The following SLC49A4 variants were observed in gnomAD, a reference collection of about 807,000 sequenced individuals.
SLC49A4 encodes the protein solute carrier family 49 member 4, also known as disrupted in renal cancer protein 2.
SLC49A4 carries 36 observed loss-of-function variants against 50.6 expected under a neutral mutation model. The observed-to-expected ratio is 0.71, with a 90% CI of 0.55 to 0.94. SLC49A4 has a LOEUF of 0.94. Ranked by LOEUF, SLC49A4 falls within the 40% of genes least tolerant of loss-of-function variation. The pLI, the probability that SLC49A4 is intolerant of heterozygous loss-of-function variation, is 0.00. For missense variants in SLC49A4, 503 were observed against 605.7 expected (o/e 0.83, Z 1.78); for synonymous variants, 248 against 241.2 (o/e 1.03, Z -0.26).
chr3:122,806,155 G>GT (rs971214184), intron 1 of SLC49A4, among the ~76,000 whole-genome samples: 4 of 151,122 alleles, frequency 2.6e-5, no homozygotes, highest in Non-Finnish European at 5.9e-5. Context: ...ACAGTTAAGA[G>GT]TTTTTTTTTA....
chr3:122,854,096 A>T (rs992800728), intron 5 of SLC49A4, among the ~76,000 whole-genome samples: 1 of 152,158 alleles, frequency 6.6e-6, no homozygotes, highest in African/African-American at 2.4e-5. Flanking sequence ...GGATAGAAGG[A>T]AGTGTTTGTG....
In SLC49A4 at chr3:122,795,437, C is replaced by A; in HGVS notation, c.245C>A (p.Ala82Asp). The A allele has an allele frequency of 6.2e-7, 1 of 1,607,948 alleles. No homozygotes were observed. Among genetic ancestry groups the A allele is most frequent in the South Asian group, 1.1e-5 (1 of 90,708 alleles). ...WGPIQNSARQAYGFSSWDIAL... is the reference protein window; with the variant it reads ...WGPIQNSARQDYGFSSWDIAL... ...CCCATCCAGAACTCGGCGCGCCAGG[C>A]CTACGGCTTCTCCAGCTGGGACATC... Residue 82 changes from alanine to aspartate, a missense_variant, in exon 1 of 9, where the codon GCC becomes GAC. Transcript: ENST00000261038.
chr3:122,807,063 T>G (rs1040524848), intron 2 of SLC49A4, 113 bp downstream of exon 2: 1 of 573,180 alleles, frequency 1.7e-6, no homozygotes, highest in Admixed American at 3.6e-5. Flanking sequence ...TTTTACTCTA[T>G]ATGATGATTA....
chr3:122,843,361 C>T (rs1936801820), intron 4 of SLC49A4, among the ~76,000 whole-genome samples: 2 of 151,904 alleles, frequency 1.3e-5, no homozygotes, highest in Non-Finnish European at 2.9e-5. Context: ...CCACTTCCCA[C>T]CTTCCTGCAT....
chr3:122,872,632 G>A (rs1416271154), intron 8 of SLC49A4, 35 bp downstream of exon 8: 1 of 1,482,190 alleles, frequency 6.7e-7, no homozygotes, highest in Non-Finnish European at 9.1e-7. Flanking sequence ...CTATCTAAAT[G>A]TGTTACAAGA....
At chr3:122,859,468 A>C (rs1431217339) in intron 6 of SLC49A4, among the ~76,000 whole-genome samples, 1 of 152,218 alleles carries the variant, frequency 6.6e-6, no homozygotes, top group East Asian at 1.9e-4. Context: ...AGTTAGCCTG[A>C]TTTTCAAAAC....
At chr3:122,821,202 T>C (rs1360864323) in intron 2 of SLC49A4, among the ~76,000 whole-genome samples, 1 of 152,186 alleles carries the variant, frequency 6.6e-6, no homozygotes, top group Non-Finnish European at 1.5e-5. Flanking sequence ...TCTTTTTCTT[T>C]ATAAATTACT....
At chr3:122,814,132 A>G (rs1358310764) in intron 2 of SLC49A4, among the ~76,000 whole-genome samples, 1 of 152,140 alleles carries the variant, frequency 6.6e-6, no homozygotes, top group African/African-American at 2.4e-5. Context: ...TTATCCAGGC[A>G]TGGTGCATTC....
chr3:122,853,691 C>T (rs771321210), intron 5 of SLC49A4, among the ~76,000 whole-genome samples: 32 of 152,102 alleles, frequency 2.1e-4, no homozygotes, highest in Non-Finnish European at 3.7e-4. Context: ...GCCCAGGAGG[C>T]GGAGGCTGCA....
intron 2 of SLC49A4, among the ~76,000 whole-genome samples, chr3:122,818,580 C>T (rs1936408662): frequency 6.6e-6 from 1 of 152,126 alleles, no homozygotes; most frequent in South Asian, 2.1e-4. Flanking sequence ...AGACATCTTT[C>T]AGACCAGGAC....
At chr3:122,818,191 A>G (rs1213245496) in intron 2 of SLC49A4, among the ~76,000 whole-genome samples, 1 of 152,236 alleles carries the variant, frequency 6.6e-6, no homozygotes, top group Non-Finnish European at 1.5e-5. Flanking sequence ...TCTGTATAAT[A>G]TAATATCACA....
At chr3:122,824,577 CTCTT>C (rs769052746) in intron 2 of SLC49A4, among the ~76,000 whole-genome samples, 21 of 151,846 alleles carry the variant, frequency 1.4e-4, no homozygotes, top group Non-Finnish European at 2.4e-4. Context: ...TTCTTTCTTT[CTCTT>C]TCTTTCTTTC....
intron 7 of SLC49A4, among the ~76,000 whole-genome samples, chr3:122,861,534 G>C (rs945300072): frequency 1.0e-3 from 157 of 152,302 alleles, no homozygotes; most frequent in African/African-American, 3.6e-3. Flanking sequence ...ATAAGAGTCT[G>C]AAAGTGACTC....
intron 7 of SLC49A4, among the ~76,000 whole-genome samples, chr3:122,869,474 C>A (rs534628132): frequency 6.6e-6 from 1 of 152,062 alleles, no homozygotes; most frequent in African/African-American, 2.4e-5. Flanking sequence ...ACCAACACCG[C>A]CCCCATTGGG....
At chr3:122,860,685 A>G (rs973155757) in intron 7 of SLC49A4, among the ~76,000 whole-genome samples, 4 of 152,238 alleles carry the variant, frequency 2.6e-5, no homozygotes, top group African/African-American at 7.2e-5. Context: ...TATTACAGCC[A>G]GCTTACTTAG....
At chr3:122,875,293 A>G (rs1371970267) in intron 8 of SLC49A4, among the ~76,000 whole-genome samples, 2 of 152,170 alleles carry the variant, frequency 1.3e-5, no homozygotes, top group African/African-American at 4.8e-5. Context: ...TTGAAAACTC[A>G]CCCAGAAGTT....
intron 8 of SLC49A4, among the ~76,000 whole-genome samples, chr3:122,874,206 C>G (rs1159061293): frequency 1.3e-5 from 2 of 152,168 alleles, no homozygotes; most frequent in Non-Finnish European, 1.5e-5. Flanking sequence ...CAGCAGAGCT[C>G]CGTACACACC....
intron 7 of SLC49A4, among the ~76,000 whole-genome samples, chr3:122,870,569 G>A (rs1006264074): frequency 6.6e-6 from 1 of 151,032 alleles, no homozygotes; most frequent in Non-Finnish European, 1.5e-5. Flanking sequence ...AGCACTTTGG[G>A]GGGCTGAGGC....
In SLC49A4 at chr3:122,806,938, T is replaced by G; in HGVS notation, c.425T>G (p.Ile142Ser). Reference protein sequence around the residue: ...GLRCIPISDLILKRRLIHGGQ... With the variant: ...GLRCIPISDLSLKRRLIHGGQ... ...AGATGCATACCTATATCAGACTTAA[T>G]CCTTAAAAGAAGGTAAATCCTGTAA... Residue 142 changes from isoleucine (I) to serine (S), a missense_variant, in exon 2 of 9, where the codon ATC becomes AGC. Ile to Ser is a moderately radical substitution (Grantham distance 142). Transcript: ENST00000261038. 1 of 1,587,028 alleles carries G rather than the reference T, an allele frequency of 6.3e-7. No homozygotes were observed. Among genetic ancestry groups the G allele is most frequent in the Non-Finnish European group, 8.6e-7 (1 of 1,157,800 alleles).
Sources: allele counts gnomAD v4.1 joint callset (sites outside exome capture counted in the v4.1 genomes callset), GRCh38; gene constraint gnomAD v4.1.1; transcripts MANE v1.5; gene names NCBI Gene and HGNC (gene_info 2026-07-23, HGNC 2026-07-21).